Variants in ACVR1 observed in about 807,000 individuals in gnomAD.
ACVR1 encodes the protein activin A receptor type 1, also known as activin receptor type-1.
Under a neutral mutation model 57.1 loss-of-function variants are expected in ACVR1, and 38 were observed. That is an observed-to-expected ratio of 0.67 (90% confidence interval 0.51 to 0.87). ACVR1 has a LOEUF of 0.87. Among genes scored for constraint, ACVR1 ranks in the 40% least tolerant of loss-of-function variants. The pLI is 0.00. For synonymous variants in ACVR1, 212 were observed against 228.1 expected (o/e 0.93, Z 0.63); for missense variants, 463 against 638.2 (o/e 0.73, Z 2.96).
At chr2:157,761,980 C>T (rs1284450091) in intron 8 of ACVR1, among the ~76,000 whole-genome samples, 3 of 152,204 alleles carry the variant, frequency 2.0e-5, no homozygotes, top group Non-Finnish European at 2.9e-5. Context: ...TTCCACTCCA[C>T]GGCTTTGAAT....
intron 8 of ACVR1, among the ~76,000 whole-genome samples, chr2:157,763,093 C>T (rs1426298219): frequency 1.3e-5 from 2 of 152,122 alleles, no homozygotes; most frequent in African/African-American, 4.8e-5. Flanking sequence ...CAACCGGATG[C>T]AATTTGTAAA....
At chr2:157,815,616 C>T (rs1687908174) in intron 2 of ACVR1, among the ~76,000 whole-genome samples, 1 of 152,090 alleles carries the variant, frequency 6.6e-6, no homozygotes, top group South Asian at 2.1e-4. Flanking sequence ...TAAACATATA[C>T]ACAAAATAAA....
chr2:157,810,958 AT>A (rs1314060080), intron 2 of ACVR1, among the ~76,000 whole-genome samples: 15 of 152,080 alleles, frequency 9.9e-5, no homozygotes, highest in African/African-American at 4.8e-5. Flanking sequence ...TCCTCAAAAT[AT>A]GGATTCCCAA....
At chr2:157,786,299 C>T (rs1686709306) in intron 3 of ACVR1, among the ~76,000 whole-genome samples, 1 of 152,176 alleles carries the variant, frequency 6.6e-6, no homozygotes, top group Non-Finnish European at 1.5e-5. Context: ...CTTTGCTCAC[C>T]GTTCATTACA....
intron 9 of ACVR1, among the ~76,000 whole-genome samples, chr2:157,746,826 C>T (rs1488303449): frequency 1.3e-5 from 2 of 152,192 alleles, no homozygotes; most frequent in African/African-American, 2.4e-5. Context: ...CCTACCAATT[C>T]CAAATTCAAT....
chr2:157,791,988 G>C (rs1686932329), intron 3 of ACVR1, among the ~76,000 whole-genome samples: 1 of 152,136 alleles, frequency 6.6e-6, no homozygotes, highest in Non-Finnish European at 1.5e-5. Flanking sequence ...TTTTCTGAAT[G>C]AATCTGTTTT....
intron 1 of ACVR1, among the ~76,000 whole-genome samples, chr2:157,867,778 G>C (rs986043215): frequency 3.9e-5 from 6 of 152,012 alleles, no homozygotes; most frequent in African/African-American, 1.5e-4. Context: ...CTGCTCTGGT[G>C]CACTGATGGT....
intron 9 of ACVR1, among the ~76,000 whole-genome samples, chr2:157,747,967 G>A (rs1685037127): frequency 6.6e-6 from 1 of 152,092 alleles, no homozygotes; most frequent in Admixed American, 6.5e-5. Flanking sequence ...TAACAGTCTT[G>A]GTGATGATGC....
At chr2:157,864,751 G>A (rs967274517) in intron 1 of ACVR1, among the ~76,000 whole-genome samples, 17 of 152,138 alleles carry the variant, frequency 1.1e-4, no homozygotes, top group African/African-American at 4.1e-4. Context: ...CTTATGGTCT[G>A]TTCCGAAGTC....
In ACVR1 at chr2:157,765,915, A is replaced by C; in HGVS notation, c.1066+6T>G. Reference sequence around the variant, plus strand: ...GGTGAGGAAAAAAATATTTTTAGAAATTTACCCAAATCTGCTATGCAACAC... The same window carrying C: ...GGTGAGGAAAAAAATATTTTTAGAACTTTACCCAAATCTGCTATGCAACAC... On this transcript the variant is annotated splice_donor_region_variant and intron_variant, in intron 8 of 10. Transcript: ENST00000434821. 1 of 1,613,932 alleles carries C rather than the reference A, an allele frequency of 6.2e-7. No homozygotes were observed. Among genetic ancestry groups the C allele is most frequent in the Non-Finnish European group, 8.5e-7 (1 of 1,179,974 alleles).
At chr2:157,827,366 T>C (rs1688421755) in intron 1 of ACVR1, among the ~76,000 whole-genome samples, 1 of 151,968 alleles carries the variant, frequency 6.6e-6, no homozygotes, top group African/African-American at 2.4e-5. Flanking sequence ...TCCAATAAAG[T>C]TAGGTAAAAA....
intron 1 of ACVR1, among the ~76,000 whole-genome samples, chr2:157,849,393 A>G (rs1179327486): frequency 6.6e-6 from 1 of 152,256 alleles, no homozygotes; most frequent in African/African-American, 2.4e-5. Context: ...TTTTTTAAAT[A>G]CTTCCAATAG....
chr2:157,746,352 G>C (rs1398973153), intron 9 of ACVR1, among the ~76,000 whole-genome samples: 1 of 152,046 alleles, frequency 6.6e-6, no homozygotes. Flanking sequence ...CGAAACTGAT[G>C]TAAGTCATCG....
Position 157,869,595 on chromosome 2 carries a change from G to A in ACVR1, c.-183+6201C>T, listed in dbSNP as rs563560154. On this transcript the variant is annotated intron_variant, in intron 1 of 10. Transcript: ENST00000434821. ...TGCACATGCATATGTGTTTGTGTGT[G>A]TACCAGGTCATGATATAAAATGTAC... is the stretch of plus-strand genomic sequence containing the variant. 1.3e-3 allele frequency among the ~76,000 whole-genome samples: 193 copies of A among 152,294 alleles called. 1 individual carries two copies. Among genetic ancestry groups the A allele is most frequent in the African/African-American group, 4.5e-3 (186 of 41,552 alleles).
intron 6 of ACVR1, among the ~76,000 whole-genome samples, chr2:157,773,077 T>C (rs1686133337): frequency 6.6e-6 from 1 of 152,142 alleles, no homozygotes; most frequent in Non-Finnish European, 1.5e-5. Context: ...CGGCAGGAGC[T>C]GCAAAATCCA....
chr2:157,792,615 T>A (rs957492961), intron 3 of ACVR1, among the ~76,000 whole-genome samples: 9 of 152,236 alleles, frequency 5.9e-5, no homozygotes, highest in Admixed American at 2.0e-4. Flanking sequence ...TTGTCTTTTT[T>A]AATTTCAATA....
chr2:157,825,121 C>G (rs1053202265), intron 1 of ACVR1, among the ~76,000 whole-genome samples: 1 of 152,104 alleles, frequency 6.6e-6, no homozygotes, highest in African/African-American at 2.4e-5. Flanking sequence ...TATGCAAGGC[C>G]CACTGAAATC....
intron 1 of ACVR1, among the ~76,000 whole-genome samples, chr2:157,850,733 G>C (rs1007211653): frequency 6.6e-6 from 1 of 152,168 alleles, no homozygotes; most frequent in African/African-American, 2.4e-5. Context: ...AAGGCAGGCG[G>C]ATCACTTGAG....
chr2:157,816,963 ATT>A (rs201217132), intron 2 of ACVR1, among the ~76,000 whole-genome samples: 10 of 144,818 alleles, frequency 6.9e-5, no homozygotes, highest in Non-Finnish European at 4.6e-5. Flanking sequence ...ATAGCGAGAC[ATT>A]TTTTTTTTTT....
Sources: gnomAD v4.1 joint callset for allele counts (sites outside exome capture counted in the v4.1 genomes callset) on GRCh38, gnomAD v4.1.1 for gene constraint, MANE v1.5 for transcripts, NCBI Gene and HGNC (gene_info 2026-07-23, HGNC 2026-07-21) for gene names.